ADRA1B: variants seen among roughly 807,000 people sequenced by gnomAD.
ADRA1B encodes the protein alpha-1B adrenergic receptor.
A neutral mutation model predicts 17.9 loss-of-function variants in ADRA1B; 17 were observed. The observed-to-expected ratio is 0.95, with a 90% CI of 0.65 to 1.42. The LOEUF is 1.42. ADRA1B is among the 40% of genes most tolerant of loss of function. ADRA1B has a pLI of 0.00. For synonymous variants in ADRA1B, 366 were observed against 327.6 expected (o/e 1.12, Z -1.27); for missense variants, 681 against 722.1 (o/e 0.94, Z 0.65).
chr5:159,915,811 A>G (rs1754285980), upstream of ADRA1B, among the ~76,000 whole-genome samples: 1 of 152,098 alleles, frequency 6.6e-6, no homozygotes, highest in Non-Finnish European at 1.5e-5. Context: ...TCATTTGCTT[A>G]TTTAGTATAC....
At chr5:159,918,992 G>T (rs968624991) in intron 1 of ADRA1B, among the ~76,000 whole-genome samples, 49 of 152,102 alleles carry the variant, frequency 3.2e-4, no homozygotes, top group Non-Finnish European at 5.3e-4. Flanking sequence ...CGGAGTCTCA[G>T]GTCAGACCCA....
At chr5:159,881,180 C>CAA (rs35928792) in intron 1 of ADRA1B, among the ~76,000 whole-genome samples, 4,032 of 56,642 alleles carry the variant, frequency 0.071, 535 homozygotes, top group African/African-American at 0.11. Flanking sequence ...GACTCCGTCT[C>CAA]AAAAAAAAAA....
At position 159,972,185 on chromosome 5, in the gene ADRA1B, G is replaced by A. The variant is rs569521388; in HGVS notation, c.1256G>A (p.Arg419Gln). 3 of 1,363,798 alleles carry A rather than the reference G, an allele frequency of 2.2e-6. No homozygotes were observed. The highest frequency in any genetic ancestry group is 3.0e-5 in the African/African-American group (2 of 66,124). The allele number at this position is 1,363,798 out of a possible 1,614,324, so 84.5% of individuals were successfully genotyped here. The change falls in exon 2 of 2, where the codon CGG becomes CAG. Residue 419 changes from arginine to glutamine, a missense_variant. Coordinates refer to ENST00000306675, the MANE Select transcript of ADRA1B (RefSeq NM_000679.4). Reference sequence around the variant, plus strand: ...GGCAGCTGCCTGAGCGGCAGCCAGCGGACCCTGCCCTCGGCCTCGCCGAGC... The same window carrying A: ...GGCAGCTGCCTGAGCGGCAGCCAGCAGACCCTGCCCTCGGCCTCGCCGAGC... Reference protein sequence around the residue: ...DSGSCLSGSQRTLPSASPSPG... With the variant: ...DSGSCLSGSQQTLPSASPSPG...
At chr5:159,901,937 T>C (rs76658482) in intron 1 of ADRA1B, among the ~76,000 whole-genome samples, 1 of 152,160 alleles carries the variant, frequency 6.6e-6, no homozygotes, top group African/African-American at 2.4e-5. Flanking sequence ...GAAAATACTA[T>C]AAAGCTTCCA....
chr5:159,967,716 C>T lies in ADRA1B; in HGVS notation c.950-4163C>T, dbSNP rs144747179. The stretch of plus-strand genomic sequence containing the variant: ...TAATCAGCCAAGGGCAAAGAATGGC[C>T]CTTGGCTTCTTCTTCTCAGAGGAAT... On this transcript the variant is annotated intron_variant, in intron 1 of 1. Transcript: ENST00000306675. Among the ~76,000 whole-genome samples, 1,205 of 152,260 alleles carry T rather than the reference C, an allele frequency of 7.9e-3. 10 individuals are homozygous for T. Among genetic ancestry groups the T allele is most frequent in the Non-Finnish European group, 0.013 (896 of 68,020 alleles).
intron 1 of ADRA1B, 24 bp from the exon 2 acceptor site, chr5:159,971,855 T>TGGGGGGGGGGGGGGGGGGGGGGGGGGGG: frequency 9.2e-6 from 4 of 435,070 alleles, no homozygotes; most frequent in Admixed American, 4.0e-5. Flanking sequence ...TTTCTGCCCG[T>TGGGGGGGGGGGGGGGGGGGGGGGGGGGG]GCCCACCCCC....
chr5:159,889,502 C>G (rs1046321524), intron 1 of ADRA1B, among the ~76,000 whole-genome samples: 3 of 152,176 alleles, frequency 2.0e-5, no homozygotes, highest in Non-Finnish European at 4.4e-5. Context: ...TTGCCAGTTT[C>G]CCTTGTAGCT....
At chr5:159,920,044 C>T (rs1014537329) in intron 1 of ADRA1B, among the ~76,000 whole-genome samples, 1 of 152,202 alleles carries the variant, frequency 6.6e-6, no homozygotes, top group African/African-American at 2.4e-5. Context: ...ATCAGAATCA[C>T]TTGTGAAACT....
intron 1 of ADRA1B, among the ~76,000 whole-genome samples, chr5:159,963,621 A>C (rs1755719904): frequency 6.6e-6 from 1 of 152,210 alleles, no homozygotes; most frequent in African/African-American, 2.4e-5. Context: ...TAACTGGCCC[A>C]ACAGTGGTTA....
intron 1 of ADRA1B, among the ~76,000 whole-genome samples, chr5:159,966,247 ATAAT>A (rs1458377670): frequency 6.6e-6 from 1 of 152,248 alleles, no homozygotes; most frequent in Non-Finnish European, 1.5e-5. Flanking sequence ...TACAGGGACA[ATAAT>A]TATTATTTAG....
rs1010995374 is a variant in ADRA1B at position 159,972,499 on chromosome 5, C to T, written c.*7C>T. 3.5e-6 allele frequency: 4 copies of T among 1,134,254 alleles called. No individual in the cohort carries two copies. Among genetic ancestry groups the T allele is most frequent in the Admixed American group, 4.5e-5 (1 of 22,038 alleles). The allele number at this position is 1,134,254 out of a possible 1,614,324, so 70.3% of individuals were successfully genotyped here. A position where few individuals can be genotyped will look rare whatever the true frequency, so the allele number is the denominator to read the frequency against. On this transcript the variant is annotated 3_prime_UTR_variant, in exon 2 of 2. Transcript: ENST00000306675. ...GGCGCCCGGGCAGTTTTAGGGCCCC[C>T]GTGCGCAGCTTTCTTTCCCTGGGGA...
intron 1 of ADRA1B, among the ~76,000 whole-genome samples, chr5:159,923,909 C>A (rs1479974033): frequency 1.3e-5 from 2 of 152,262 alleles, no homozygotes; most frequent in African/African-American, 4.8e-5. Context: ...CTTTGCAGAG[C>A]AAGCATCGTC....
the ADRA1B span, among the ~76,000 whole-genome samples, chr5:159,981,749 G>T: frequency 6.6e-6 from 1 of 152,134 alleles, no homozygotes; most frequent in African/African-American, 2.4e-5. Context: ...GCCCGCCTCG[G>T]CCTCCCAAAG....
chr5:159,977,090 C>T (rs1755984003), downstream of ADRA1B, among the ~76,000 whole-genome samples: 2 of 152,172 alleles, frequency 1.3e-5, no homozygotes. Context: ...CTCAACTTTT[C>T]CTGAATCAGC....
At chr5:159,926,277 C>A (rs990200734) in intron 1 of ADRA1B, among the ~76,000 whole-genome samples, 1 of 152,152 alleles carries the variant, frequency 6.6e-6, no homozygotes, top group Non-Finnish European at 1.5e-5. Context: ...ACCTTTCTCG[C>A]GAAGTCTTCC....
intron 1 of ADRA1B, among the ~76,000 whole-genome samples, chr5:159,879,782 G>A (rs1305881328): frequency 2.0e-5 from 3 of 152,112 alleles, no homozygotes; most frequent in Non-Finnish European, 4.4e-5. Flanking sequence ...GATCACTTGA[G>A]CTCAGAAGGT....
chr5:159,881,255 T>C (rs933879570), intron 1 of ADRA1B, among the ~76,000 whole-genome samples: 17 of 150,308 alleles, frequency 1.1e-4, no homozygotes, highest in Admixed American at 6.6e-5. Flanking sequence ...CAGGTAAATG[T>C]AGAAGATTAC....
At chr5:159,912,305 G>A (rs998515415), upstream of ADRA1B, among the ~76,000 whole-genome samples, 3 of 152,248 alleles carry the variant, frequency 2.0e-5, no homozygotes, top group Non-Finnish European at 4.4e-5. Flanking sequence ...AAACCCAGGT[G>A]TGTCTGATCC....
At chr5:159,979,720 C>T in the ADRA1B span, among the ~76,000 whole-genome samples, 1 of 151,944 alleles carries the variant, frequency 6.6e-6, no homozygotes, top group Non-Finnish European at 1.5e-5. Context: ...ATACAAAAAT[C>T]AGCTAGGCGT....
Sources: gnomAD v4.1 joint callset for allele counts (sites outside exome capture counted in the v4.1 genomes callset) on GRCh38, gnomAD v4.1.1 for gene constraint, MANE v1.5 for transcripts, NCBI Gene and HGNC (gene_info 2026-07-23, HGNC 2026-07-21) for gene names.